PIAS1: variants seen among roughly 807,000 people sequenced by gnomAD.
PIAS1 encodes the protein E3 SUMO-protein ligase PIAS1.
In PIAS1, 6 loss-of-function variants were observed where a neutral mutation model predicts 71.3. The ratio of observed to expected loss-of-function variants is 0.08; its 90% CI spans 0.05 to 0.17. The LOEUF (loss-of-function observed/expected upper bound fraction) is 0.17, where lower values mean the gene tolerates loss of function less well. PIAS1 is among the 10% of genes least tolerant of loss of function. The probability of loss-of-function intolerance (pLI) is 1.00; values close to 1 mark genes in which losing one functional copy is unlikely to be tolerated. For missense variants in PIAS1, 555 were observed against 793.6 expected, an observed-to-expected ratio of 0.70 and a Z score of 3.61; for synonymous variants, 303 against 292.9, an observed-to-expected ratio of 1.03 and a Z score of -0.35.
rs541029149 is a variant in PIAS1, at chr15:68,102,260, A to G, written c.469+15510A>G. The stretch of plus-strand genomic sequence containing the variant: ...TACTTTTGCATCTTTATCAACAATC[A>G]TTGTCTGTACCTATGTGGGTCTCTT... On this transcript the variant is annotated intron_variant, in intron 2 of 13. Coordinates refer to ENST00000249636, the MANE Select transcript of PIAS1 (RefSeq NM_016166.3). Among the ~76,000 whole-genome samples, 5 of 152,148 alleles carry G rather than the reference A, an allele frequency of 3.3e-5. No individual in the cohort carries two copies. In the East Asian group the frequency reaches 9.7e-4, roughly 29 times the overall value.
chr15:68,152,603 C>G (rs949492392), intron 6 of PIAS1, among the ~76,000 whole-genome samples: 6 of 152,172 alleles, frequency 3.9e-5, no homozygotes, highest in African/African-American at 1.4e-4. Flanking sequence ...CTACCTGTGT[C>G]TTAATAGGCC....
At chr15:68,127,616 C>G (rs1005327442) in intron 2 of PIAS1, among the ~76,000 whole-genome samples, 1 of 151,958 alleles carries the variant, frequency 6.6e-6, no homozygotes, top group Non-Finnish European at 1.5e-5. Context: ...TATTCTTTTA[C>G]AACACAAAAA....
chr15:68,179,833 C>T (rs1237657561), intron 11 of PIAS1, among the ~76,000 whole-genome samples: 3 of 151,898 alleles, frequency 2.0e-5, no homozygotes, highest in Non-Finnish European at 2.9e-5. Context: ...GCGCCTTGGC[C>T]TCCCAAAGTG....
At chr15:68,118,078 G>A (rs1438740039) in intron 2 of PIAS1, among the ~76,000 whole-genome samples, 3 of 152,120 alleles carry the variant, frequency 2.0e-5, no homozygotes, top group African/African-American at 7.2e-5. Context: ...TGTAATCCCA[G>A]CACTTTGGGA....
intron 11 of PIAS1, among the ~76,000 whole-genome samples, chr15:68,180,640 T>C (rs191180613): frequency 2.0e-5 from 3 of 152,350 alleles, no homozygotes; most frequent in Admixed American, 2.0e-4. Context: ...AGGGCTTTTA[T>C]GCAAACAATG....
intron 2 of PIAS1, among the ~76,000 whole-genome samples, chr15:68,140,538 C>G (rs2092763224): frequency 1.3e-5 from 2 of 152,126 alleles, no homozygotes; most frequent in African/African-American, 4.8e-5. Flanking sequence ...GTGATAGATT[C>G]TTTAAGAAAA....
chr15:68,161,609 T>C (rs985790923), intron 7 of PIAS1, among the ~76,000 whole-genome samples: 1 of 152,064 alleles, frequency 6.6e-6, no homozygotes, highest in Non-Finnish European at 1.5e-5. Flanking sequence ...ATAGCTAATA[T>C]TTATTGAGAA....
intron 3 of PIAS1, 65 bp downstream of exon 3, chr15:68,142,095 T>A (rs2092774781): frequency 8.7e-7 from 1 of 1,153,970 alleles, no homozygotes; most frequent in African/African-American, 1.5e-5. Context: ...AATAAATGAT[T>A]TTAAAAAACA....
chr15:68,060,614 AAAAC>A (rs201042490), intron 1 of PIAS1, among the ~76,000 whole-genome samples: 3,179 of 152,328 alleles, frequency 0.021, 112 homozygotes, highest in African/African-American at 0.072. Context: ...CTCCGTCTCA[AAAAC>A]AAACAAACAA....
intron 1 of PIAS1, among the ~76,000 whole-genome samples, chr15:68,064,885 GATTT>G (rs2091999851): frequency 6.6e-6 from 1 of 152,138 alleles, no homozygotes; most frequent in Non-Finnish European, 1.5e-5. Flanking sequence ...TTAAATATGA[GATTT>G]ATGTTAACAA....
At chr15:68,106,819 G>A (rs565408578) in intron 2 of PIAS1, among the ~76,000 whole-genome samples, 7 of 152,234 alleles carry the variant, frequency 4.6e-5, no homozygotes, top group East Asian at 1.9e-4. Flanking sequence ...ATTCTTAATC[G>A]ATTACAATAG....
In PIAS1 at chr15:68,086,626, A is replaced by T; in HGVS notation, c.345A>T (p.Gly115=). 8 of 1,613,540 alleles carry T rather than the reference A, an allele frequency of 5.0e-6. No individual in the cohort carries two copies. The highest frequency in any genetic ancestry group is 6.8e-6 in the Non-Finnish European group (8 of 1,179,596). The change falls in exon 2 of 14, where the codon GGA becomes GGT. Residue 115 remains glycine (G), a synonymous_variant. Transcript: ENST00000249636. The surrounding 1 kb of genome is among the most constrained non-coding windows in gnomAD (Gnocchi z 7.2). Reference sequence around the variant, plus strand: ...CATTACTCCCTGTTTCTCTTCTGGGACCTAAACATGAACTGGAACTCCCAC... The same window carrying T: ...CATTACTCCCTGTTTCTCTTCTGGGTCCTAAACATGAACTGGAACTCCCAC... ...SSPLLPVSLL[G]PKHELELPHL...
Position 68,193,094 on chromosome 15 carries a change from T to C in PIAS1, c.*5259T>C, listed in dbSNP as rs1283779577. 1 of 152,280 alleles carries C rather than the reference T, an allele frequency of 6.6e-6. No individual in the cohort carries two copies. The highest frequency in any genetic ancestry group is 1.9e-4 in the East Asian group (1 of 5,206). 9.4% of individuals were successfully genotyped at this position (152,280 alleles called of 1,614,324 possible). A position where few individuals can be genotyped will look rare whatever the true frequency, so the allele number is the denominator to read the frequency against. ...GGCCATTGCTGGTTACATCCCCTTA[T>C]TTCTCTCCGTAAGTCCTGGGGAGGT... On this transcript the variant is annotated 3_prime_UTR_variant, in exon 14 of 14. Coordinates refer to ENST00000249636, the MANE Select transcript of PIAS1 (RefSeq NM_016166.3).
rs181289101 is a variant in PIAS1 at position 68,140,679 on chromosome 15, C to G, written c.470-1267C>G. On this transcript the variant is annotated intron_variant, in intron 2 of 13. Coordinates refer to ENST00000249636, the MANE Select transcript of PIAS1 (RefSeq NM_016166.3). ...CTCTTAATGATACGTTTGGTATCGACTTTTTGCGTGACATATTGCAGTTTG... is the reference window on the plus strand; with the variant it reads ...CTCTTAATGATACGTTTGGTATCGAGTTTTTGCGTGACATATTGCAGTTTG... Among the ~76,000 whole-genome samples, 169 of 152,264 alleles carry G rather than the reference C, an allele frequency of 1.1e-3. 1 individual carries two copies. Among genetic ancestry groups the G allele is most frequent in the African/African-American group, 3.9e-3 (164 of 41,546 alleles).
At chr15:68,101,442 G>C (rs946841666) in intron 2 of PIAS1, among the ~76,000 whole-genome samples, 2 of 149,506 alleles carry the variant, frequency 1.3e-5, no homozygotes, top group Admixed American at 6.7e-5. Flanking sequence ...GGTGTAACTT[G>C]TCTTTTTTTT....
At chr15:68,142,200 G>T in intron 3 of PIAS1, 90 bp from the exon 4 acceptor site, 1 of 1,182,926 alleles carries the variant, frequency 8.5e-7, no homozygotes, top group South Asian at 1.3e-5. Context: ...ATGATAATTT[G>T]AAAAACTTTT....
intron 2 of PIAS1, among the ~76,000 whole-genome samples, chr15:68,128,867 A>G (rs902611017): frequency 6.6e-6 from 1 of 152,220 alleles, no homozygotes; most frequent in African/African-American, 2.4e-5. Context: ...CACAGAATGT[A>G]CAATAAATAA....
At chr15:68,175,810 C>G in intron 10 of PIAS1, 43 bp downstream of exon 10, 2 of 1,402,068 alleles carry the variant, frequency 1.4e-6, no homozygotes, top group Middle Eastern at 1.9e-4. Flanking sequence ...CCCTACTGCT[C>G]TAAGTCTGGT....
chr15:68,176,713 G>A, intron 11 of PIAS1, 59 bp downstream of exon 11: 1 of 1,126,316 alleles, frequency 8.9e-7, no homozygotes, highest in South Asian at 1.7e-5. Context: ...GGCAAATAGG[G>A]ATTAAAGACT....
Sources: gnomAD v4.1 joint callset for allele counts (sites outside exome capture counted in the v4.1 genomes callset) on GRCh38, gnomAD v4.1.1 for gene constraint, Gnocchi (gnomAD v3.1) non-coding constraint, MANE v1.5 for transcripts, NCBI Gene and HGNC (gene_info 2026-07-23, HGNC 2026-07-21) for gene names.